ACSS1: variants seen among roughly 807,000 people sequenced by gnomAD.
The protein encoded by ACSS1 is acyl-CoA synthetase short chain family member 1, also known as acetyl-coenzyme A synthetase 2-like, mitochondrial.
A neutral mutation model predicts 75.3 loss-of-function variants in ACSS1; 42 were observed. That is an observed-to-expected ratio of 0.56 (90% CI 0.44 to 0.72). The LOEUF (loss-of-function observed/expected upper bound fraction) is 0.72. Ranked by LOEUF, ACSS1 falls within the 30% of genes least tolerant of loss-of-function variation. The probability of loss-of-function intolerance (pLI) is 0.00; values close to 1 mark genes in which losing one functional copy is unlikely to be tolerated. For synonymous variants in ACSS1, 380 were observed against 376.8 expected (o/e 1.01, Z -0.10); for missense variants, 782 against 935.7 (o/e 0.84, Z 2.14).
intron 1 of ACSS1, among the ~76,000 whole-genome samples, chr20:25,055,674 G>A (rs2089231585): frequency 6.6e-6 from 1 of 152,160 alleles, no homozygotes; most frequent in African/African-American, 2.4e-5. Flanking sequence ...AAGTTCTCAG[G>A]TAATGCTGAT....
intron 2 of ACSS1, among the ~76,000 whole-genome samples, chr20:25,035,857 G>C (rs1405390834): frequency 2.6e-5 from 4 of 152,210 alleles, no homozygotes; most frequent in South Asian, 4.1e-4. Flanking sequence ...GCCATTCCAA[G>C]TACTCAGGAA....
chr20:25,021,462 G>C lies in ACSS1; in HGVS notation c.1035C>G (p.Tyr345Ter). Reference protein sequence around the residue: ...ADIGWITGHSYVVYGPLCNGA... With the variant: ...ADIGWITGHS ...CATTGCAGAGAGGCCCATACACCAC[G>C]TAGCTGTGTCCTGTAATCCAACCGA... is the stretch of plus-strand genomic sequence containing the variant. The change falls in exon 6 of 14, where the codon TAC (tyrosine) becomes TAG (stop). Residue 345 changes from tyrosine to a stop codon, truncating the protein, a stop_gained. Coordinates refer to ENST00000323482, the MANE Select transcript of ACSS1 (RefSeq NM_032501.4). LOFTEE classifies it high-confidence loss of function. 1 of 1,614,190 alleles carries C rather than the reference G, an allele frequency of 6.2e-7. No homozygotes were observed. The highest frequency in any genetic ancestry group is 8.5e-7 in the Non-Finnish European group (1 of 1,180,022).
rs2088668693 is a variant in ACSS1 at position 25,023,748 on chromosome 20, C to G, written c.632-107G>C. On this transcript the variant is annotated intron_variant, in intron 3 of 13. Transcript: ENST00000323482. ...GGCCTAGGAGTGTGAGAAACTCAGT[C>G]CAATCTTGAGTAAAAGACTCAATGG... is the stretch of plus-strand genomic sequence containing the variant. 10 of 1,126,252 alleles carry G rather than the reference C, an allele frequency of 8.9e-6. No homozygotes were observed. The East Asian group carries it at 2.3e-4, about 25-fold the overall frequency. 69.8% of individuals were successfully genotyped at this position (1,126,252 alleles called of 1,614,324 possible).
In ACSS1 at chr20:25,013,535, C is replaced by G; in HGVS notation, c.1579+1G>C. Reference sequence around the variant, plus strand: ...GAGAGGGTCCCTGACAGCCTGCTCACCTGGGTAGGCCTTGAAGTAGGCGTC... The same window carrying G: ...GAGAGGGTCCCTGACAGCCTGCTCAGCTGGGTAGGCCTTGAAGTAGGCGTC... On this transcript the variant is annotated splice_donor_variant, in intron 10 of 13. Transcript: ENST00000323482. LOFTEE classifies it high-confidence loss of function. 1 of 1,590,990 alleles carries G rather than the reference C, an allele frequency of 6.3e-7. No homozygotes were observed. The highest frequency in any genetic ancestry group is 8.6e-7 in the Non-Finnish European group (1 of 1,162,288).
At chr20:25,014,143 G>A (rs1356888241) in intron 8 of ACSS1, 70 bp from the exon 9 acceptor site, 9 of 1,312,866 alleles carry the variant, frequency 6.9e-6, no homozygotes, top group Non-Finnish European at 2.1e-6. Flanking sequence ...CAGAGTGGGT[G>A]GTAGGTGGGA....
chr20:25,046,682 T>C, intron 2 of ACSS1: 1 of 663,588 alleles, frequency 1.5e-6, no homozygotes, highest in Non-Finnish European at 2.8e-6. Context: ...AGAAGGGGCT[T>C]TGTTCGCAGG....
chr20:25,026,292 G>T (rs1050991828), intron 3 of ACSS1, among the ~76,000 whole-genome samples: 1 of 152,146 alleles, frequency 6.6e-6, no homozygotes, highest in Non-Finnish European at 1.5e-5. Context: ...GCAGGATCCA[G>T]GTCTCCTCCC....
intron 2 of ACSS1, among the ~76,000 whole-genome samples, chr20:25,037,001 A>AAGGAAGG (rs1568843584): frequency 1.3e-5 from 1 of 76,324 alleles, no homozygotes; most frequent in Non-Finnish European, 2.9e-5. Context: ...AAGAAAGAAG[A>AAGGAAGG]AAGAAAGGAA....
At chr20:25,020,746 A>G (rs2088609475) in intron 6 of ACSS1, among the ~76,000 whole-genome samples, 1 of 152,246 alleles carries the variant, frequency 6.6e-6, no homozygotes, top group Non-Finnish European at 1.5e-5. Flanking sequence ...CCCAGCCCCC[A>G]AAGGCAGGGA....
intron 2 of ACSS1, among the ~76,000 whole-genome samples, chr20:25,034,262 GA>G (rs1201803606): frequency 1.3e-5 from 2 of 152,166 alleles, no homozygotes; most frequent in East Asian, 3.9e-4. Flanking sequence ...CTTTAATAGG[GA>G]AACAGTCTAC....
chr20:25,057,982 G>A lies in ACSS1; in HGVS notation c.121C>T (p.Pro41Ser), dbSNP rs1314800336. The A allele has an allele frequency of 1.3e-6, 2 of 1,550,090 alleles. No individual in the cohort carries two copies. The highest frequency in any genetic ancestry group is 2.5e-5 in the East Asian group (1 of 40,100). Reference protein sequence around the residue: ...VSAPRRAASGPSGSAPAVAAA... With the variant: ...VSAPRRAASGSSGSAPAVAAA... ...GCAACTGCGGGAGCGCTGCCCGAGG[G>A]TCCCGAGGCCGCCCTGCGCGGCGCG... Residue 41 changes from proline (P) to serine (S), a missense_variant, in exon 1 of 14, where the codon CCC (proline) becomes TCC (serine). Coordinates refer to ENST00000323482, the MANE Select transcript of ACSS1 (RefSeq NM_032501.4).
intron 8 of ACSS1, among the ~76,000 whole-genome samples, chr20:25,014,846 T>C (rs563061935): frequency 6.6e-6 from 1 of 152,322 alleles, no homozygotes; most frequent in South Asian, 2.1e-4. Context: ...GGCAGCAAGC[T>C]GAGCTGTGTC....
rs569921992 is a variant in ACSS1, at chr20:25,009,240, C to G, written c.1890+30G>C. 4.0e-6 allele frequency: 6 copies of G among 1,517,366 alleles called. No individual in the cohort carries two copies. In the African/African-American group the frequency reaches 8.2e-5, roughly 21 times the overall value. 94.0% of individuals were successfully genotyped at this position (1,517,366 alleles called of 1,614,324 possible). A position where few individuals can be genotyped will look rare whatever the true frequency, so the allele number is the denominator to read the frequency against. On this transcript the variant is annotated intron_variant, in intron 13 of 13. Transcript: ENST00000323482. The stretch of plus-strand genomic sequence containing the variant: ...GACAATTGTGGGAAGAACAGCAGCA[C>G]AGCCCCATCTTTGTGGGAGGCCCAC...
At position 25,013,710 on chromosome 20, in the gene ACSS1, A is replaced by C. The variant is rs1186176717; in HGVS notation, c.1453-48T>G. 1.9e-6 allele frequency: 3 copies of C among 1,560,888 alleles called. No individual in the cohort carries two copies. In the South Asian group the frequency reaches 3.4e-5, roughly 18 times the overall value. ...TGAGACAGGGCAGGCTCTGGGTGAG[A>C]AGTGTGCCAAAAAATGACAAGCCCT... On this transcript the variant is annotated intron_variant, in intron 9 of 13. Transcript: ENST00000323482.
chr20:25,022,452 G>A (rs2088639818), intron 5 of ACSS1, among the ~76,000 whole-genome samples: 1 of 152,190 alleles, frequency 6.6e-6, no homozygotes, highest in Non-Finnish European at 1.5e-5. Flanking sequence ...ATGCTCATAT[G>A]GGTCACAAAA....
rs1486417421 is a variant in ACSS1 at position 25,006,982 on chromosome 20, T to G, written c.*780A>C. 6.5e-7 allele frequency: 1 copy of G among 1,534,794 alleles called. No homozygotes were observed. The highest frequency in any genetic ancestry group is 1.4e-5 in the African/African-American group (1 of 73,122). Reference sequence around the variant, plus strand: ...CACAAAAATCTTTCTGGATCACAGCTTGAAGAAACAGAACATAACTGGAGT... The same window carrying G: ...CACAAAAATCTTTCTGGATCACAGCGTGAAGAAACAGAACATAACTGGAGT... On this transcript the variant is annotated 3_prime_UTR_variant, in exon 14 of 14. Coordinates refer to ENST00000323482, the MANE Select transcript of ACSS1 (RefSeq NM_032501.4).
chr20:25,027,010 C>T (rs1490933415), intron 3 of ACSS1, among the ~76,000 whole-genome samples: 1 of 152,232 alleles, frequency 6.6e-6, no homozygotes, highest in African/African-American at 2.4e-5. Context: ...ATGGCCACAC[C>T]AGCAAGAGAG....
chr20:25,049,098 A>G (rs1243340244), intron 1 of ACSS1, among the ~76,000 whole-genome samples: 1 of 152,242 alleles, frequency 6.6e-6, no homozygotes, highest in Non-Finnish European at 1.5e-5. Flanking sequence ...AAAATGTAAC[A>G]AATGTAGACA....
chr20:25,048,881 C>T (rs1012734416), intron 1 of ACSS1, among the ~76,000 whole-genome samples: 4 of 152,330 alleles, frequency 2.6e-5, no homozygotes, highest in African/African-American at 4.8e-5. Flanking sequence ...GGGGCCCCTC[C>T]GCTGGCAGGC....
Sources: gnomAD v4.1 joint callset for allele counts (sites outside exome capture counted in the v4.1 genomes callset) on GRCh38, gnomAD v4.1.1 for gene constraint, MANE v1.5 for transcripts, NCBI Gene and HGNC (gene_info 2026-07-23, HGNC 2026-07-21) for gene names.